Variants in BLM observed in about 807,000 individuals in gnomAD.
BLM encodes BLM RecQ like helicase.
In BLM, 95 loss-of-function variants were observed where a neutral mutation model predicts 135.3. The ratio of observed to expected loss-of-function variants is 0.70; its 90% CI spans 0.59 to 0.83. The LOEUF is 0.83. Among genes scored for constraint, BLM ranks in the 40% least tolerant of loss-of-function variants. The probability of loss-of-function intolerance (pLI) is 0.00; values close to 1 mark genes in which losing one functional copy is unlikely to be tolerated. For synonymous variants in BLM, 520 were observed against 589.2 expected (o/e 0.88, Z 1.70); for missense variants, 1,518 against 1,663.9 (o/e 0.91, Z 1.53).
chr15:90,815,211 T>C lies in BLM; in HGVS notation c.4186T>C (p.Leu1396=), dbSNP rs376734461. The part of the protein sequence containing the change: ...SQATSGANSK[L]GIMAPPKPIN... ...AGCGACATCAGGAGCCAATAGCAAATTGGGGATTATGGCTCCACCGAAGCC... is the reference window on the plus strand; with the variant it reads ...AGCGACATCAGGAGCCAATAGCAAACTGGGGATTATGGCTCCACCGAAGCC... Residue 1396 remains leucine (L), a synonymous_variant, in exon 22 of 22, where the codon TTG becomes CTG. Transcript: ENST00000355112. This position sits in a 1 kb window ranked among gnomAD's most constrained non-coding sequence, Gnocchi z 4.6. The C allele has an allele frequency of 3.3e-5, 53 of 1,614,158 alleles. No homozygotes were observed. In the East Asian group the frequency reaches 5.1e-4, roughly 16 times the overall value.
chr15:90,761,302 C>G lies in BLM; in HGVS notation c.1882+47C>G. On this transcript the variant is annotated intron_variant, in intron 7 of 21. Transcript: ENST00000355112. Reference sequence around the variant, plus strand: ...TGCTTATATGAAAACAAAACTGTCCCAAAATAGGAATTATATAAGAAAAAC... The same window carrying G: ...TGCTTATATGAAAACAAAACTGTCCGAAAATAGGAATTATATAAGAAAAAC... The G allele has an allele frequency of 2.3e-6, 3 of 1,317,918 alleles. 1 individual carries two copies. The highest frequency in any genetic ancestry group is 3.0e-6 in the Non-Finnish European group (3 of 992,554). The allele number at this position is 1,317,918 out of a possible 1,614,324, so 81.6% of individuals were successfully genotyped here. A position where few individuals can be genotyped will look rare whatever the true frequency, so the allele number is the denominator to read the frequency against.
intron 14 of BLM, among the ~76,000 whole-genome samples, chr15:90,786,515 C>T (rs1225670961): frequency 3.3e-5 from 5 of 152,204 alleles, no homozygotes; most frequent in African/African-American, 4.8e-5. Context: ...AGTGTCTCCA[C>T]GTCTTCACCA....
chr15:90,759,196 A>T (rs1298737787), intron 5 of BLM, among the ~76,000 whole-genome samples: 1 of 152,222 alleles, frequency 6.6e-6, no homozygotes, highest in East Asian at 1.9e-4. Context: ...ACAGGAAGAT[A>T]ATAGGACAAT....
chr15:90,785,224 T>C (rs1896716858), intron 14 of BLM, 143 bp downstream of exon 14: 1 of 979,770 alleles, frequency 1.0e-6, no homozygotes, highest in African/African-American at 1.6e-5. Context: ...CAGATTTTCT[T>C]TGAGACTTCT....
intron 12 of BLM, among the ~76,000 whole-genome samples, chr15:90,782,598 T>C (rs914791019): frequency 1.3e-5 from 2 of 152,166 alleles, no homozygotes; most frequent in African/African-American, 4.8e-5. Flanking sequence ...CTTTGCATAC[T>C]GACATATGCG....
rs182674404 is a variant in BLM, at chr15:90,733,890, T to C, written c.-4-13499T>C. Among the ~76,000 whole-genome samples the C allele has an allele frequency of 5.3e-5, 8 of 152,372 alleles. No individual in the cohort carries two copies. The East Asian group carries it at 1.5e-3, about 29-fold the overall frequency. ...TTTTAATAAATGTTATAATACAGTGTGTATTCTTTTGTATCTCACTTCTTT... is the reference window on the plus strand; with the variant it reads ...TTTTAATAAATGTTATAATACAGTGCGTATTCTTTTGTATCTCACTTCTTT... On this transcript the variant is annotated intron_variant, in intron 1 of 21. Transcript: ENST00000355112.
intron 21 of BLM, among the ~76,000 whole-genome samples, chr15:90,811,704 C>T (rs55833113): frequency 5.9e-5 from 9 of 152,354 alleles, no homozygotes; most frequent in African/African-American, 1.7e-4. Flanking sequence ...GTTGCCCAGG[C>T]TAGAGTGCAG....
intron 15 of BLM, among the ~76,000 whole-genome samples, chr15:90,793,582 C>T (rs776059962): frequency 1.3e-5 from 2 of 152,088 alleles, no homozygotes; most frequent in African/African-American, 2.4e-5. Context: ...ATAGCAACTG[C>T]GAAAAACCCA....
chr15:90,795,233 C>A (rs1897002075), intron 16 of BLM, among the ~76,000 whole-genome samples: 1 of 152,132 alleles, frequency 6.6e-6, no homozygotes, highest in African/African-American at 2.4e-5. Context: ...AATCCCAGCA[C>A]TTTGGGAGGC....
Position 90,749,579 on chromosome 15 carries a change from C to T in BLM, c.311C>T (p.Ser104Leu), listed in dbSNP as rs367543030. 1.2e-6 allele frequency: 2 copies of T among 1,613,986 alleles called. No individual in the cohort carries two copies. The highest frequency in any genetic ancestry group is 2.7e-5 in the African/African-American group (2 of 74,914). ...GGACAGGAAACACAGAGAGGTGGATCAAAATCATTATTGCCAGATTTCTTG... is the reference window on the plus strand; with the variant it reads ...GGACAGGAAACACAGAGAGGTGGATTAAAATCATTATTGCCAGATTTCTTG... ...PAGQETQRGG[S>L]KSLLPDFLQT... Residue 104 changes from serine (S) to leucine (L), a missense_variant, in exon 3 of 22, where the codon TCA becomes TTA. By Grantham distance (145) the Ser-to-Leu change is moderately radical. Transcript: ENST00000355112.
chr15:90,803,582 C>CTTTT lies in BLM; in HGVS notation c.3420_3421insTTTT (p.Asn1141PhefsTer2). The CTTTT allele has an allele frequency of 6.2e-7, 1 of 1,613,922 alleles. No homozygotes were observed. Among genetic ancestry groups the CTTTT allele is most frequent in the Non-Finnish European group, 8.5e-7 (1 of 1,179,854 alleles). ...GAAAAGGATCTGCTTATTCACGACACAATGCCGAAAGACTTTTTAAAAAGC... is the reference window on the plus strand; with the variant it reads ...GAAAAGGATCTGCTTATTCACGACACTTTTAATGCCGAAAGACTTTTTAAAAAGC... On this transcript the variant is annotated frameshift_variant, in exon 18 of 22. Transcript: ENST00000355112. LOFTEE classifies it high-confidence loss of function.
intron 19 of BLM, among the ~76,000 whole-genome samples, chr15:90,804,993 C>T (rs752913727): frequency 9.2e-5 from 14 of 152,096 alleles, no homozygotes; most frequent in Non-Finnish European, 1.5e-4. Context: ...TGTGCCACCA[C>T]GCCCGGCTAA....
intron 16 of BLM, among the ~76,000 whole-genome samples, chr15:90,796,387 A>G (rs1897028156): frequency 6.6e-6 from 1 of 152,244 alleles, no homozygotes; most frequent in South Asian, 2.1e-4. Flanking sequence ...GACAGGGGTC[A>G]GTAAACTTGC....
chr15:90,732,705 A>G (rs1303461228), intron 1 of BLM, among the ~76,000 whole-genome samples: 3 of 152,166 alleles, frequency 2.0e-5, no homozygotes, highest in Non-Finnish European at 4.4e-5. Flanking sequence ...AAGTTAGGAA[A>G]AGAAAAACAA....
In BLM at chr15:90,761,012, A is replaced by G. The variant is rs1426499355; in HGVS notation, c.1639A>G (p.Thr547Ala). ...TASINDLERE[T>A]QPSYDIDNFD... is the part of the protein sequence containing the mutation. ...TTCAATAAATGACTTAGAAAGAGAAACCCAACCTTCCTATGATATTGATAA... is the reference window on the plus strand; with the variant it reads ...TTCAATAAATGACTTAGAAAGAGAAGCCCAACCTTCCTATGATATTGATAA... The change falls in exon 7 of 22, where the codon ACC becomes GCC. Residue 547 changes from threonine to alanine, a missense_variant. Thr to Ala is a moderately conservative substitution (Grantham distance 58). This residue lies in a region of BLM where 724 missense variants were observed against 756.9 expected (regional missense o/e 0.96). Transcript: ENST00000355112. The G allele has an allele frequency of 6.2e-7, 1 of 1,606,850 alleles. No homozygotes were observed. The highest frequency in any genetic ancestry group is 8.5e-7 in the Non-Finnish European group (1 of 1,177,236).
intron 15 of BLM, among the ~76,000 whole-genome samples, chr15:90,792,960 G>T (rs1453043545): frequency 6.6e-6 from 1 of 151,178 alleles, no homozygotes; most frequent in East Asian, 1.9e-4. Context: ...GCCCAAACAT[G>T]GCCAGGCATG....
At chr15:90,747,362 C>T in intron 1 of BLM, 27 bp from the exon 2 acceptor site, 1 of 1,545,526 alleles carries the variant, frequency 6.5e-7, no homozygotes, top group South Asian at 1.1e-5. Flanking sequence ...CCTAACTCCA[C>T]TGATTTCTTT....
chr15:90,732,382 G>A (rs1169256508), intron 1 of BLM, among the ~76,000 whole-genome samples: 1 of 151,648 alleles, frequency 6.6e-6, no homozygotes, highest in Non-Finnish European at 1.5e-5. Flanking sequence ...TAGGTAACAA[G>A]GAAAACATTA....
intron 21 of BLM, among the ~76,000 whole-genome samples, chr15:90,812,753 G>A (rs1467320695): frequency 6.6e-6 from 1 of 152,182 alleles, no homozygotes; most frequent in East Asian, 1.9e-4. Flanking sequence ...AAAGAGAAAG[G>A]AAGGCAGACA....
Sources: gnomAD v4.1 joint callset for allele counts (sites outside exome capture counted in the v4.1 genomes callset) on GRCh38, gnomAD v4.1.1 for gene constraint, gnomAD v4.1.1 regional missense constraint, Gnocchi (gnomAD v3.1) non-coding constraint, MANE v1.5 for transcripts, NCBI Gene and HGNC (gene_info 2026-07-23, HGNC 2026-07-21) for gene names.